The following CAMK2D variants were observed in gnomAD, a reference collection of about 807,000 sequenced individuals.
CAMK2D encodes the protein calcium/calmodulin dependent protein kinase II delta, also known as calcium/calmodulin-dependent protein kinase type II subunit delta.
In CAMK2D, 37 loss-of-function variants were observed where a neutral mutation model predicts 84.0. The ratio of observed to expected loss-of-function variants is 0.44; its 90% CI spans 0.34 to 0.58. The LOEUF (loss-of-function observed/expected upper bound fraction) is 0.58, where lower values mean the gene tolerates loss of function less well. Among genes scored for constraint, CAMK2D ranks in the 20% least tolerant of loss-of-function variants. CAMK2D has a pLI of 0.02. For missense variants in CAMK2D, 448 were observed against 652.5 expected, an observed-to-expected ratio of 0.69 and a Z score of 3.41; for synonymous variants, 202 against 212.5, an observed-to-expected ratio of 0.95 and a Z score of 0.43.
chr4:113,673,574 C>A (rs1039141307), intron 2 of CAMK2D, among the ~76,000 whole-genome samples: 1 of 152,190 alleles, frequency 6.6e-6, no homozygotes, highest in Non-Finnish European at 1.5e-5. Context: ...AGGATTTATC[C>A]GAAGAGAGAG....
At chr4:113,682,730 T>C (rs1415612734) in intron 2 of CAMK2D, among the ~76,000 whole-genome samples, 1 of 152,228 alleles carries the variant, frequency 6.6e-6, no homozygotes, top group East Asian at 1.9e-4. Flanking sequence ...AATTGTATCA[T>C]CTTAGCATTT....
intron 3 of CAMK2D, among the ~76,000 whole-genome samples, chr4:113,644,172 A>G (rs2099142701): frequency 6.6e-6 from 1 of 152,214 alleles, no homozygotes; most frequent in South Asian, 2.1e-4. Context: ...AGATGGGGAA[A>G]CAGATGGGTT....
chr4:113,532,533 C>T (rs1022651195), intron 7 of CAMK2D, among the ~76,000 whole-genome samples: 2 of 152,164 alleles, frequency 1.3e-5, no homozygotes, highest in African/African-American at 4.8e-5. Flanking sequence ...GTGATATGCA[C>T]TCTGTGAATT....
chr4:113,486,937 C>T (rs568229181), intron 16 of CAMK2D, among the ~76,000 whole-genome samples: 110 of 152,294 alleles, frequency 7.2e-4, no homozygotes, highest in African/African-American at 2.3e-3. Flanking sequence ...CTTGTAGAAT[C>T]ATCTTTCTTT....
intron 13 of CAMK2D, among the ~76,000 whole-genome samples, chr4:113,506,403 A>T (rs1010558862): frequency 6.6e-6 from 1 of 152,206 alleles, no homozygotes; most frequent in Non-Finnish European, 1.5e-5. Flanking sequence ...CTTTACTGGA[A>T]AATTCTATAA....
At chr4:113,583,727 G>C (rs1161496914) in intron 4 of CAMK2D, among the ~76,000 whole-genome samples, 2 of 152,004 alleles carry the variant, frequency 1.3e-5, no homozygotes, top group Non-Finnish European at 2.9e-5. Flanking sequence ...AAAAGACAAG[G>C]GTACAGATAG....
At chr4:113,680,069 A>AT (rs1055402894) in intron 2 of CAMK2D, among the ~76,000 whole-genome samples, 1 of 151,970 alleles carries the variant, frequency 6.6e-6, no homozygotes, top group Non-Finnish European at 1.5e-5. Context: ...CATTATTATT[A>AT]TTTTTTTCTT....
At chr4:113,459,460 C>T (rs904774446) in intron 18 of CAMK2D, among the ~76,000 whole-genome samples, 1 of 152,064 alleles carries the variant, frequency 6.6e-6, no homozygotes, top group African/African-American at 2.4e-5. Flanking sequence ...CTTAAACTAT[C>T]GCTATCCTGC....
intron 16 of CAMK2D, among the ~76,000 whole-genome samples, chr4:113,471,796 C>A (rs575934253): frequency 4.0e-4 from 61 of 152,088 alleles, no homozygotes; most frequent in Non-Finnish European, 7.9e-4. Context: ...TTGTCCCCCA[C>A]CCCTTTAAGG....
rs1554070590 is a variant in CAMK2D, at chr4:113,709,745, C to CTATATATATATATATATATA, written c.161-47974_161-47973insTATATATATATATATATATA. On this transcript the variant is annotated intron_variant, in intron 2 of 20. Transcript: ENST00000511664. ...AGAGTGAAAAGCTAAAAGCCGTGAA[C>CTATATATATATATATATATA]GATATATATATATATATATATATAT... 1.5e-3 allele frequency among the ~76,000 whole-genome samples: 37 copies of CTATATATATATATATATATA among 24,634 alleles called. 3 individuals carry two copies. Among genetic ancestry groups the CTATATATATATATATATATA allele is most frequent in the African/African-American group, 8.2e-3 (33 of 4,038 alleles). The allele number at this position is 24,634 out of a possible 152,430, so 16.2% of individuals were successfully genotyped here. A position where few individuals can be genotyped will look rare whatever the true frequency, so the allele number is the denominator to read the frequency against.
At chr4:113,620,201 A>ATGGT (rs1432833165) in intron 3 of CAMK2D, among the ~76,000 whole-genome samples, 11 of 152,280 alleles carry the variant, frequency 7.2e-5, no homozygotes, top group Admixed American at 7.2e-4. Context: ...ACATCTGTCC[A>ATGGT]TCCCTTGGTT....
In CAMK2D at chr4:113,547,633, G is replaced by A. The variant is rs367960396; in HGVS notation, c.414+11C>T. Reference sequence around the variant, plus strand: ...GTGTGGTGGTTTATCTTCTTCAACCGCATTACTCACCTTCAGGTCCCGATG... The same window carrying A: ...GTGTGGTGGTTTATCTTCTTCAACCACATTACTCACCTTCAGGTCCCGATG... On this transcript the variant is annotated intron_variant, in intron 6 of 20. Coordinates refer to ENST00000511664, the MANE Select transcript of CAMK2D (RefSeq NM_001321571.2). The A allele has an allele frequency of 5.9e-6, 9 of 1,527,658 alleles. No individual in the cohort carries two copies. Among genetic ancestry groups the A allele is most frequent in the Non-Finnish European group, 6.2e-6 (7 of 1,131,208 alleles). 94.6% of individuals were successfully genotyped at this position (1,527,658 alleles called of 1,614,324 possible). A position where few individuals can be genotyped will look rare whatever the true frequency, so the allele number is the denominator to read the frequency against.
intron 2 of CAMK2D, among the ~76,000 whole-genome samples, chr4:113,697,325 C>T (rs560673431): frequency 6.6e-6 from 1 of 151,990 alleles, no homozygotes; most frequent in African/African-American, 2.4e-5. Flanking sequence ...TAGATAGTTA[C>T]AGAAGAATGA....
At chr4:113,609,903 G>A (rs1435971348) in intron 3 of CAMK2D, among the ~76,000 whole-genome samples, 1 of 152,110 alleles carries the variant, frequency 6.6e-6, no homozygotes, top group Non-Finnish European at 1.5e-5. Context: ...AATTTTCAAT[G>A]AGCCAGACTT....
At chr4:113,597,635 ATC>A (rs2098933302) in intron 4 of CAMK2D, among the ~76,000 whole-genome samples, 1 of 152,232 alleles carries the variant, frequency 6.6e-6, no homozygotes, top group Non-Finnish European at 1.5e-5. Context: ...TTGCTGTCTT[ATC>A]ATCTGTTTGC....
At chr4:113,505,582 T>G (rs1402309596) in intron 13 of CAMK2D, among the ~76,000 whole-genome samples, 1 of 152,020 alleles carries the variant, frequency 6.6e-6, no homozygotes, top group Non-Finnish European at 1.5e-5. Flanking sequence ...CAAGTGTAGA[T>G]CTCCTCTAAA....
chr4:113,504,040 A>T (rs2098093313), intron 14 of CAMK2D, among the ~76,000 whole-genome samples: 1 of 152,144 alleles, frequency 6.6e-6, no homozygotes, highest in Admixed American at 6.6e-5. Flanking sequence ...CTAGTAGATA[A>T]CCTGTTATTT....
intron 3 of CAMK2D, among the ~76,000 whole-genome samples, chr4:113,659,796 T>G (rs1048015728): frequency 2.0e-5 from 3 of 152,204 alleles, no homozygotes; most frequent in African/African-American, 7.2e-5. Flanking sequence ...AAAATGCTTC[T>G]AGAGAGGTAG....
chr4:113,497,957 A>G (rs1011233209), intron 16 of CAMK2D, among the ~76,000 whole-genome samples: 3 of 152,202 alleles, frequency 2.0e-5, no homozygotes, highest in East Asian at 1.9e-4. Flanking sequence ...CAGAAAAGAG[A>G]AGGTTGAAAA....
Sources: gnomAD v4.1 joint callset for allele counts (sites outside exome capture counted in the v4.1 genomes callset) on GRCh38, gnomAD v4.1.1 for gene constraint, MANE v1.5 for transcripts, NCBI Gene and HGNC (gene_info 2026-07-23, HGNC 2026-07-21) for gene names.